The following GPC3 variants were observed in gnomAD, a reference collection of about 807,000 sequenced individuals.
The protein encoded by GPC3 is glypican-3.
GPC3 carries 3 observed loss-of-function variants against 34.4 expected under a neutral mutation model. That is an observed-to-expected ratio of 0.09 (90% CI 0.04 to 0.23). The LOEUF (loss-of-function observed/expected upper bound fraction) is 0.23, where lower values mean the gene tolerates loss of function less well. GPC3 is among the 10% of genes least tolerant of loss of function. GPC3 has a pLI of 1.00. For synonymous variants in GPC3, 177 were observed against 174.0 expected, an observed-to-expected ratio of 1.02 and a Z score of -0.13; for missense variants, 351 against 445.6, an observed-to-expected ratio of 0.79 and a Z score of 1.91.
At chrX:133,908,383 T>C (rs2076180082) in intron 2 of GPC3, among the ~76,000 whole-genome samples, 1 of 110,937 alleles carries the variant, frequency 9.0e-6, no homozygotes, top group Non-Finnish European at 1.9e-5. Flanking sequence ...GCCCCTACCC[T>C]GCCCTAACAA....
intron 6 of GPC3, among the ~76,000 whole-genome samples, chrX:133,639,615 T>C (rs2070462121): frequency 2.7e-5 from 3 of 111,735 alleles, no homozygotes; most frequent in Admixed American, 1.9e-4. Flanking sequence ...CATTTTTAAA[T>C]GTCAAATTTT....
At chrX:133,771,001 G>C (rs774570103) in intron 2 of GPC3, among the ~76,000 whole-genome samples, 14 of 111,513 alleles carry the variant, frequency 1.3e-4, no homozygotes, top group Non-Finnish European at 2.5e-4. Context: ...AGATGGACAA[G>C]GGACAGTATA....
intron 3 of GPC3, among the ~76,000 whole-genome samples, chrX:133,722,092 A>C (rs1477121831): frequency 9.0e-6 from 1 of 111,280 alleles, no homozygotes; most frequent in African/African-American, 3.3e-5. Context: ...CAACAATAAA[A>C]TCATAATATT....
At chrX:133,626,134 C>T (rs2070295953) in intron 6 of GPC3, among the ~76,000 whole-genome samples, 1 of 111,878 alleles carries the variant, frequency 8.9e-6, no homozygotes, top group Non-Finnish European at 1.9e-5. Context: ...GAAACTGGAT[C>T]CCTTCCTTAC....
chrX:133,559,040 A>G (rs2069519484), intron 7 of GPC3, among the ~76,000 whole-genome samples: 1 of 111,757 alleles, frequency 8.9e-6, no homozygotes, highest in African/African-American at 3.3e-5. Context: ...TATGTTTAGT[A>G]TAATGTAATT....
chrX:133,703,169 A>G (rs1195250611), intron 3 of GPC3, among the ~76,000 whole-genome samples: 2 of 111,773 alleles, frequency 1.8e-5, no homozygotes, highest in African/African-American at 6.5e-5. Context: ...CAGGAGTTTT[A>G]GGCTCTTAAA....
intron 3 of GPC3, among the ~76,000 whole-genome samples, chrX:133,717,040 A>C (rs1366211630): frequency 9.1e-6 from 1 of 110,454 alleles, no homozygotes; most frequent in Non-Finnish European, 1.9e-5. Flanking sequence ...AACTCATTGC[A>C]ACCTCTTCCT....
chrX:133,720,975 A>G (rs981419285), intron 3 of GPC3, among the ~76,000 whole-genome samples: 8 of 110,237 alleles, frequency 7.3e-5, no homozygotes, highest in African/African-American at 2.3e-4. Flanking sequence ...AATCTCACAA[A>G]TCATCATTAA....
chrX:133,975,039 A>G (rs1296433316), intron 1 of GPC3, among the ~76,000 whole-genome samples: 1 of 111,264 alleles, frequency 9.0e-6, no homozygotes, highest in African/African-American at 3.3e-5. Context: ...CACCACCCAG[A>G]AAAACCAAAA....
chrX:133,853,231 T>C (rs1337713403), intron 2 of GPC3, among the ~76,000 whole-genome samples: 1 of 111,815 alleles, frequency 8.9e-6, no homozygotes, highest in East Asian at 2.8e-4. Flanking sequence ...GTGAGATATG[T>C]ATGTATATGA....
In GPC3 at chrX:133,753,841, C is replaced by T. The variant is rs773264161; in HGVS notation, c.673G>A (p.Val225Ile). 5 of 1,210,969 alleles carry T rather than the reference C, an allele frequency of 4.1e-6. No homozygotes were observed. The South Asian group carries it at 7.0e-5, about 17-fold the overall frequency. Residue 225 changes from valine to isoleucine, a missense_variant, in exon 3 of 8, where the codon GTC (valine) becomes ATC (isoleucine). Physicochemically the swap from Val to Ile is conservative, Grantham distance 29. Transcript: ENST00000370818. ...AGAGCCTGAAGGAAGATCCTAGTGA[C>T]TTGCAGTGACTTGGAAACCTGGGTC... ...IMTQVSKSLQ[V>I]TRIFLQALNL...
At chrX:133,948,186 A>T (rs758887295) in intron 2 of GPC3, among the ~76,000 whole-genome samples, 1 of 111,673 alleles carries the variant, frequency 9.0e-6, no homozygotes, top group Admixed American at 9.5e-5. Context: ...GCAATTATTG[A>T]GTCACATATT....
intron 2 of GPC3, among the ~76,000 whole-genome samples, chrX:133,837,767 AT>A (rs2075806458): frequency 8.9e-6 from 1 of 112,210 alleles, no homozygotes; most frequent in East Asian, 2.8e-4. Flanking sequence ...ACCAAGAAGC[AT>A]TTTTGACATT....
chrX:133,899,881 C>T (rs1246006104), intron 2 of GPC3, among the ~76,000 whole-genome samples: 3 of 111,736 alleles, frequency 2.7e-5, no homozygotes, highest in Non-Finnish European at 5.6e-5. Context: ...CGGCTCACTG[C>T]AACCTCCACC....
chrX:133,981,727 G>T (rs908704327), intron 1 of GPC3, among the ~76,000 whole-genome samples: 2 of 112,204 alleles, frequency 1.8e-5, no homozygotes. Context: ...ACGGAGGCTA[G>T]TTCTCACAGT....
intron 5 of GPC3, chrX:133,671,420 AT>A (rs753684802): frequency 2.1e-5 from 10 of 481,661 alleles, no homozygotes; most frequent in Non-Finnish European, 3.7e-5. Flanking sequence ...GCCATTGTGG[AT>A]TTTTCATGAG....
intron 2 of GPC3, among the ~76,000 whole-genome samples, chrX:133,891,324 A>C (rs554048166): frequency 9.0e-6 from 1 of 111,633 alleles, no homozygotes; most frequent in Admixed American, 9.6e-5. Context: ...TAAAGTGTAT[A>C]GTTTCTTTTT....
At chrX:133,634,033 T>G (rs2070392810) in intron 6 of GPC3, among the ~76,000 whole-genome samples, 1 of 112,140 alleles carries the variant, frequency 8.9e-6, no homozygotes, top group Admixed American at 9.5e-5. Context: ...GAATAGATAT[T>G]TCATGAAAGA....
At chrX:133,703,740 G>C (rs937139556) in intron 3 of GPC3, among the ~76,000 whole-genome samples, 3 of 111,951 alleles carry the variant, frequency 2.7e-5, no homozygotes, top group Non-Finnish European at 5.6e-5. Context: ...GATTACAGGC[G>C]TGAGCCACCG....
Sources: gnomAD v4.1 joint callset for allele counts (sites outside exome capture counted in the v4.1 genomes callset) on GRCh38, gnomAD v4.1.1 for gene constraint, MANE v1.5 for transcripts, NCBI Gene and HGNC (gene_info 2026-07-23, HGNC 2026-07-21) for gene names.